Variants in PI4KA observed in about 807,000 individuals in gnomAD.
PI4KA encodes phosphatidylinositol 4-kinase alpha.
Under a neutral mutation model 271.4 loss-of-function variants are expected in PI4KA, and 122 were observed. That is an observed-to-expected ratio of 0.45 (90% CI 0.39 to 0.52). The LOEUF is 0.52. Among genes scored for constraint, PI4KA ranks in the 20% least tolerant of loss-of-function variants. The probability of loss-of-function intolerance (pLI) is 0.00; values close to 1 mark genes in which losing one functional copy is unlikely to be tolerated. For missense variants in PI4KA, 1,969 were observed against 2,769.1 expected, an observed-to-expected ratio of 0.71 and a Z score of 6.48; for synonymous variants, 1,041 against 1,078.8, an observed-to-expected ratio of 0.96 and a Z score of 0.69.
Position 20,766,240 on chromosome 22 carries a change from A to G in PI4KA, c.2329-547T>C, listed in dbSNP as rs116734940. 6.5e-3 allele frequency among the ~76,000 whole-genome samples: 990 copies of G among 152,118 alleles called. 14 individuals carry two copies. Among genetic ancestry groups the G allele is most frequent in the African/African-American group, 0.023 (943 of 41,482 alleles). On this transcript the variant is annotated intron_variant, in intron 19 of 54. Transcript: ENST00000255882. The stretch of plus-strand genomic sequence containing the variant: ...GGCAGCACAAATTTTCCAAACAGTA[A>G]TCTTCGGCAGAATCCCCATATATGT...
intron 23 of PI4KA, among the ~76,000 whole-genome samples, chr22:20,758,999 C>T (rs908889511): frequency 6.6e-6 from 1 of 152,164 alleles, no homozygotes; most frequent in Non-Finnish European, 1.5e-5. Flanking sequence ...AAAGGACTTA[C>T]TAGAAGAGTC....
intron 42 of PI4KA, chr22:20,725,638 T>C: frequency 2.5e-6 from 1 of 407,136 alleles, no homozygotes; most frequent in South Asian, 1.7e-5. Flanking sequence ...CTCAGGCCTA[T>C]AATCCCAGCA....
intron 12 of PI4KA, among the ~76,000 whole-genome samples, chr22:20,804,059 C>A (rs1465866319): frequency 6.6e-6 from 1 of 152,242 alleles, no homozygotes; most frequent in East Asian, 1.9e-4. Context: ...AGCCTCACAA[C>A]AACGGAGAAC....
intron 43 of PI4KA, among the ~76,000 whole-genome samples, chr22:20,719,710 G>A (rs1926466686): frequency 6.6e-6 from 1 of 152,120 alleles, no homozygotes; most frequent in Non-Finnish European, 1.5e-5. Context: ...ATCTGCTGCT[G>A]TGAGCTCAAC....
intron 23 of PI4KA, among the ~76,000 whole-genome samples, chr22:20,757,908 T>C (rs1190628416): frequency 6.6e-6 from 1 of 152,140 alleles, no homozygotes; most frequent in Non-Finnish European, 1.5e-5. Flanking sequence ...TTAATTCTTC[T>C]AGAGGTTGGC....
chr22:20,780,283 T>C, intron 19 of PI4KA: 2 of 1,587,442 alleles, frequency 1.3e-6, no homozygotes, highest in Non-Finnish European at 1.7e-6. Context: ...CCAAGAACTG[T>C]ACTGTAGCTA....
chr22:20,737,634 C>CT (rs760945752), intron 32 of PI4KA, among the ~76,000 whole-genome samples: 13,916 of 141,222 alleles, frequency 0.099, 735 homozygotes, highest in East Asian at 0.14. Context: ...TACTCTTTTT[C>CT]TTTTTTTTTT....
At chr22:20,853,513 A>G (rs1927237584) in intron 1 of PI4KA, among the ~76,000 whole-genome samples, 2 of 152,198 alleles carry the variant, frequency 1.3e-5, no homozygotes, top group Admixed American at 6.5e-5. Context: ...GAAAAGCCTC[A>G]CTTTCTTTCT....
At chr22:20,819,539 G>A (rs1209669429) in intron 6 of PI4KA, 102 bp downstream of exon 6, 16 of 1,074,352 alleles carry the variant, frequency 1.5e-5, no homozygotes, top group Middle Eastern at 3.2e-4. Flanking sequence ...AACATTTCAC[G>A]TTACTTAAGT....
At chr22:20,779,120 G>T (rs536834552) in intron 19 of PI4KA, 42 of 1,429,550 alleles carry the variant, frequency 2.9e-5, no homozygotes, top group Non-Finnish European at 3.8e-5. Context: ...CCACATCAAA[G>T]GTTGGGTGTC....
chr22:20,713,589 G>A (rs925302855), intron 47 of PI4KA, among the ~76,000 whole-genome samples, 199 bp from the exon 48 acceptor site: 1 of 152,208 alleles, frequency 6.6e-6, no homozygotes, highest in Non-Finnish European at 1.5e-5. Context: ...ATCCAGGGTT[G>A]GAGTCTAAGA....
At position 20,753,102 on chromosome 22, in the gene PI4KA, A is replaced by G. The variant is rs1157395496; in HGVS notation, c.2862+8T>C. ...AGACAGACACGCATTCATGCTGGAG[A>G]GGCTTACTTTATCCGCCATCATGTT... is the stretch of plus-strand genomic sequence containing the variant. On this transcript the variant is annotated splice_region_variant and intron_variant, in intron 24 of 54. Coordinates refer to ENST00000255882, the MANE Select transcript of PI4KA (RefSeq NM_058004.4). The G allele has an allele frequency of 3.1e-6, 5 of 1,614,038 alleles. No individual in the cohort carries two copies. In the East Asian group the frequency reaches 1.1e-4, roughly 36 times the overall value.
intron 19 of PI4KA, among the ~76,000 whole-genome samples, chr22:20,785,501 G>A (rs1158692621): frequency 6.6e-6 from 1 of 152,232 alleles, no homozygotes; most frequent in East Asian, 1.9e-4. Flanking sequence ...CAAAGTGCCA[G>A]ACTAACTCCA....
At chr22:20,848,017 C>T (rs1351024602) in intron 1 of PI4KA, among the ~76,000 whole-genome samples, 1 of 152,094 alleles carries the variant, frequency 6.6e-6, no homozygotes, top group African/African-American at 2.4e-5. Flanking sequence ...GTGGGTGGAT[C>T]ACCTGAGGTC....
At chr22:20,787,901 G>A (rs1430819253) in intron 19 of PI4KA, among the ~76,000 whole-genome samples, 1 of 152,178 alleles carries the variant, frequency 6.6e-6, no homozygotes, top group Admixed American at 6.5e-5. Context: ...GGTCTGTGCA[G>A]TACCCCAGAA....
At chr22:20,845,785 A>G (rs1227868688) in intron 1 of PI4KA, among the ~76,000 whole-genome samples, 1 of 152,140 alleles carries the variant, frequency 6.6e-6, no homozygotes, top group Non-Finnish European at 1.5e-5. Flanking sequence ...GTACTGCTTG[A>G]GCCTAGGAGT....
intron 39 of PI4KA, 102 bp from the exon 40 acceptor site, chr22:20,727,966 G>A (rs1050305145): frequency 3.8e-5 from 29 of 769,320 alleles, no homozygotes; most frequent in Non-Finnish European, 5.9e-5. Flanking sequence ...CTGAACTGGA[G>A]GGATTCACAT....
At chr22:20,833,665 T>TG (rs1569084980) in intron 3 of PI4KA, among the ~76,000 whole-genome samples, 1 of 148,328 alleles carries the variant, frequency 6.7e-6, no homozygotes, top group African/African-American at 2.5e-5. Context: ...TTGTTTTTTT[T>TG]TTTTTTTTTT....
Position 20,729,394 on chromosome 22 carries a change from C to T in PI4KA, c.4601G>A (p.Ser1534Asn). Residue 1534 changes from serine (S) to asparagine (N), a missense_variant, in exon 39 of 55, where the codon AGC becomes AAC. Around this residue, in one of 13 missense-constraint regions of PI4KA, gnomAD observed 388 missense variants for 521.5 expected, o/e 0.74. Transcript: ENST00000255882. ...GTCCTTCCACTGCTTCTCACTCAGG[C>T]TGATGTACTTAGATCTCCAGTTGGC... Reference protein sequence around the residue: ...SVANWRSKYISLSEKQWKDNV... With the variant: ...SVANWRSKYINLSEKQWKDNV... 6.2e-7 allele frequency: 1 copy of T among 1,614,138 alleles called. No individual in the cohort carries two copies. Among genetic ancestry groups the T allele is most frequent in the Non-Finnish European group, 8.5e-7 (1 of 1,179,990 alleles).
Sources: allele counts gnomAD v4.1 joint callset (sites outside exome capture counted in the v4.1 genomes callset), GRCh38; gene constraint gnomAD v4.1.1; regional missense constraint gnomAD v4.1.1; transcripts MANE v1.5; gene names NCBI Gene and HGNC (gene_info 2026-07-23, HGNC 2026-07-21).